GALNT17: variants seen among roughly 807,000 people sequenced by gnomAD.
GALNT17 encodes the protein polypeptide N-acetylgalactosaminyltransferase 17, also known as UDP-GalNAc:polypeptide N-acetylgalactosaminyltransferase-like 3.
In GALNT17, 29 loss-of-function variants were observed where a neutral mutation model predicts 63.7. That is an observed-to-expected ratio of 0.46 (90% CI 0.34 to 0.62). The LOEUF (loss-of-function observed/expected upper bound fraction) is 0.62, where lower values mean the gene tolerates loss of function less well. Ranked by LOEUF, GALNT17 falls within the 20% of genes least tolerant of loss-of-function variation. The probability of loss-of-function intolerance (pLI) is 0.01; values close to 1 mark genes in which losing one functional copy is unlikely to be tolerated. For synonymous variants in GALNT17, 305 were observed against 318.3 expected (o/e 0.96, Z 0.45); for missense variants, 603 against 799.6 (o/e 0.75, Z 2.97).
chr7:71,228,589 T>C (rs1018534237), intron 1 of GALNT17, among the ~76,000 whole-genome samples: 5 of 152,218 alleles, frequency 3.3e-5, no homozygotes, highest in Non-Finnish European at 7.3e-5. Context: ...TCCTTGTCTC[T>C]TGCAGGTTCC....
At chr7:71,278,554 C>T (rs1790722767) in intron 1 of GALNT17, among the ~76,000 whole-genome samples, 1 of 152,210 alleles carries the variant, frequency 6.6e-6, no homozygotes, top group South Asian at 2.1e-4. Context: ...AAAGAATTGC[C>T]AGAGACTGGG....
intron 5 of GALNT17, among the ~76,000 whole-genome samples, chr7:71,444,536 G>A (rs1040268419): frequency 1.3e-5 from 2 of 152,144 alleles, no homozygotes; most frequent in Non-Finnish European, 2.9e-5. Context: ...CCCTCTCTGG[G>A]CCAAAATGTT....
intron 2 of GALNT17, among the ~76,000 whole-genome samples, chr7:71,340,018 C>G (rs1259249003): frequency 6.6e-6 from 1 of 152,178 alleles, no homozygotes; most frequent in Admixed American, 6.5e-5. Context: ...TGGCAACTGA[C>G]AGAGCAAGCT....
chr7:71,502,360 T>C (rs1453005703), intron 5 of GALNT17, among the ~76,000 whole-genome samples: 1 of 152,234 alleles, frequency 6.6e-6, no homozygotes, highest in Non-Finnish European at 1.5e-5. Context: ...GGAGAATCTT[T>C]GTTATCTCAG....
At chr7:71,519,461 T>C (rs1326821568) in intron 5 of GALNT17, among the ~76,000 whole-genome samples, 1 of 152,110 alleles carries the variant, frequency 6.6e-6, no homozygotes, top group Non-Finnish European at 1.5e-5. Context: ...CATTTTTCCT[T>C]TAGAATTTTT....
chr7:71,653,949 A>T (rs1790790514), intron 6 of GALNT17, among the ~76,000 whole-genome samples: 2 of 152,172 alleles, frequency 1.3e-5, no homozygotes, highest in Non-Finnish European at 2.9e-5. Context: ...CTGCCAGCAA[A>T]TCCCTTGAGT....
chr7:71,553,330 A>C (rs1584045189), intron 5 of GALNT17, among the ~76,000 whole-genome samples: 1 of 145,014 alleles, frequency 6.9e-6, no homozygotes, highest in Admixed American at 6.9e-5. Context: ...TTGTCTCTTT[A>C]AAAAAAAAAA....
intron 1 of GALNT17, among the ~76,000 whole-genome samples, chr7:71,195,795 C>T (rs57793774): frequency 0.027 from 4,052 of 152,120 alleles, 179 homozygotes; most frequent in African/African-American, 0.091. Context: ...GCAATCCTCC[C>T]ACCTCATCCT....
At chr7:71,682,073 C>T (rs1187555838) in intron 9 of GALNT17, among the ~76,000 whole-genome samples, 2 of 151,902 alleles carry the variant, frequency 1.3e-5, no homozygotes, top group Non-Finnish European at 2.9e-5. Context: ...ATTACAGGCG[C>T]CCACCACCAT....
At chr7:71,407,115 G>A (rs1449390338) in intron 3 of GALNT17, among the ~76,000 whole-genome samples, 1 of 152,138 alleles carries the variant, frequency 6.6e-6, no homozygotes, top group African/African-American at 2.4e-5. Flanking sequence ...CATCTGGGAG[G>A]GCCCAGGGTA....
chr7:71,703,624 C>A (rs1255606344), intron 9 of GALNT17, among the ~76,000 whole-genome samples: 1 of 152,114 alleles, frequency 6.6e-6, no homozygotes. Flanking sequence ...TTTAAAAGAG[C>A]AATTTCAATA....
At chr7:71,604,021 T>G (rs1000528424) in intron 6 of GALNT17, among the ~76,000 whole-genome samples, 1 of 151,754 alleles carries the variant, frequency 6.6e-6, no homozygotes, top group Admixed American at 6.6e-5. Flanking sequence ...CTATGCTAAG[T>G]GCACATACCA....
chr7:71,400,213 A>G (rs979215406), intron 3 of GALNT17, among the ~76,000 whole-genome samples: 3 of 150,926 alleles, frequency 2.0e-5, no homozygotes, highest in Non-Finnish European at 2.9e-5. Context: ...GTGTGTTCTC[A>G]TTGTTCAACT....
At chr7:71,327,551 ATATCAGGTAGGATGCTG>A (rs1791726119) in intron 1 of GALNT17, among the ~76,000 whole-genome samples, 1 of 152,184 alleles carries the variant, frequency 6.6e-6, no homozygotes, top group Non-Finnish European at 1.5e-5. Flanking sequence ...TAGCCAAACC[ATATCAGGTAGGATGCTG>A]TATCTGTGAG....
At chr7:71,509,330 A>G (rs989501495) in intron 5 of GALNT17, among the ~76,000 whole-genome samples, 2 of 152,194 alleles carry the variant, frequency 1.3e-5, no homozygotes, top group African/African-American at 2.4e-5. Context: ...TGCATTTTCC[A>G]CTTAGGTGTT....
At chr7:71,691,868 T>G (rs10255848) in intron 9 of GALNT17, among the ~76,000 whole-genome samples, 93,495 of 139,402 alleles carry the variant, frequency 0.67, 29,346 homozygotes, top group Admixed American at 0.72. Context: ...CTTTCTTTCT[T>G]TCCTTTCTTT....
At chr7:71,401,479 C>G (rs1173773521) in intron 3 of GALNT17, among the ~76,000 whole-genome samples, 1 of 152,106 alleles carries the variant, frequency 6.6e-6, no homozygotes. Flanking sequence ...GCAGGGGTCC[C>G]CAACCCCCCA....
intron 1 of GALNT17, among the ~76,000 whole-genome samples, chr7:71,256,494 C>T (rs372442192): frequency 1.1e-4 from 17 of 152,294 alleles, no homozygotes; most frequent in African/African-American, 4.1e-4. Context: ...TTGCTTGAGC[C>T]TGGGAGGTGG....
intron 5 of GALNT17, among the ~76,000 whole-genome samples, chr7:71,492,244 C>T (rs1165599391): frequency 6.6e-6 from 1 of 152,038 alleles, no homozygotes; most frequent in African/African-American, 2.4e-5. Flanking sequence ...ACGCCACTGC[C>T]CTCCAGCCTG....
Sources: allele counts gnomAD v4.1 joint callset (sites outside exome capture counted in the v4.1 genomes callset), GRCh38; gene constraint gnomAD v4.1.1; transcripts MANE v1.5; gene names NCBI Gene and HGNC (gene_info 2026-07-23, HGNC 2026-07-21).